Variants in ERCC8 observed in about 807,000 individuals in gnomAD.
ERCC8 encodes ERCC excision repair 8, CSA ubiquitin ligase complex subunit, also known as DNA excision repair protein ERCC-8.
A neutral mutation model predicts 54.9 loss-of-function variants in ERCC8; 52 were observed. The observed-to-expected ratio is 0.95, with a 90% CI of 0.76 to 1.19. The LOEUF is 1.19. Among genes scored for constraint, ERCC8 ranks in the 50% most tolerant of loss-of-function variants. The pLI is 0.00. For synonymous variants in ERCC8, 146 were observed against 157.2 expected (o/e 0.93, Z 0.53); for missense variants, 514 against 466.1 (o/e 1.10, Z -0.95).
Position 60,891,101 on chromosome 5 carries a change from T to TTAA in ERCC8, c.844-16_844-15insTTA, listed in dbSNP as rs1748534724. 1 of 1,519,046 alleles carries TTAA rather than the reference T, an allele frequency of 6.6e-7. No homozygotes were observed. Among genetic ancestry groups the TTAA allele is most frequent in the Non-Finnish European group, 9.1e-7 (1 of 1,098,816 alleles). The allele number at this position is 1,519,046 out of a possible 1,614,324, so 94.1% of individuals were successfully genotyped here. ...CCATAGTTCACCTGTAGGATTAAAA[T>TTAA]AATAAGGTTACTCATCTCTGAAATC... On this transcript the variant is annotated splice_polypyrimidine_tract_variant and intron_variant, in intron 9 of 11. Coordinates refer to ENST00000676185, the MANE Select transcript of ERCC8 (RefSeq NM_000082.4).
chr5:60,931,852 G>A (rs1435370992), intron 1 of ERCC8, among the ~76,000 whole-genome samples: 1 of 151,928 alleles, frequency 6.6e-6, no homozygotes, highest in Admixed American at 6.6e-5. Flanking sequence ...CTTCCTAACA[G>A]TAAGAAGCAT....
chr5:60,893,639 G>C, intron 9 of ERCC8: 1 of 571,100 alleles, frequency 1.8e-6, no homozygotes, highest in Non-Finnish European at 3.2e-6. Context: ...ACTTCCGGCG[G>C]GGATCTGAGA....
At chr5:60,942,568 T>A (rs1750292561) in intron 1 of ERCC8, among the ~76,000 whole-genome samples, 2 of 152,098 alleles carry the variant, frequency 1.3e-5, no homozygotes, top group South Asian at 4.1e-4. Context: ...TTATATAAAA[T>A]ACTAGATATG....
chr5:60,893,759 G>A (rs897750490), intron 9 of ERCC8: 12 of 351,100 alleles, frequency 3.4e-5, no homozygotes, highest in Non-Finnish European at 5.7e-5. Context: ...CGAGGGGGCG[G>A]GGCTTCTCCC....
intron 3 of ERCC8, chr5:60,918,595 C>A: frequency 1.8e-6 from 1 of 557,852 alleles, no homozygotes. Context: ...TAGAGACATA[C>A]CTCCTACTAA....
rs1298162999 is a variant in ERCC8 at position 60,869,532 on chromosome 5, A to C, written c.*5083T>G. ...CTTTAGAGAATTTTTTAAAGGTTTTAAAATCTATTTTAAATGGGGCTTTTT... is the reference window on the plus strand; with the variant it reads ...CTTTAGAGAATTTTTTAAAGGTTTTCAAATCTATTTTAAATGGGGCTTTTT... On this transcript the variant is annotated 3_prime_UTR_variant, in exon 12 of 12. Coordinates refer to ENST00000676185, the MANE Select transcript of ERCC8 (RefSeq NM_000082.4). Among the ~76,000 whole-genome samples the C allele has an allele frequency of 1.3e-5, 2 of 152,154 alleles. No individual in the cohort carries two copies. Among genetic ancestry groups the C allele is most frequent in the Non-Finnish European group, 2.9e-5 (2 of 68,006 alleles).
chr5:60,882,668 T>A (rs1748272014), intron 11 of ERCC8, among the ~76,000 whole-genome samples: 1 of 152,188 alleles, frequency 6.6e-6, no homozygotes, highest in Non-Finnish European at 1.5e-5. Flanking sequence ...ATTACAGGCG[T>A]GAGCCACCAC....
intron 3 of ERCC8, chr5:60,918,641 A>G: frequency 4.3e-6 from 2 of 463,854 alleles, no homozygotes; most frequent in South Asian, 4.1e-5. Context: ...TTTTTGTACT[A>G]TATACAGCCT....
chr5:60,873,558 T>A lies in ERCC8; in HGVS notation c.*1057A>T, dbSNP rs1747910659. Among the ~76,000 whole-genome samples the A allele has an allele frequency of 6.6e-6, 1 of 152,114 alleles. No individual in the cohort carries two copies. Among genetic ancestry groups the A allele is most frequent in the South Asian group, 2.1e-4 (1 of 4,822 alleles). On this transcript the variant is annotated 3_prime_UTR_variant, in exon 12 of 12. Transcript: ENST00000676185. Reference sequence around the variant, plus strand: ...CGGGCGCAGTGGCGGGAGCCTGTAATCCCAGCTACTCAGGAGGCTTAGGCA... The same window carrying A: ...CGGGCGCAGTGGCGGGAGCCTGTAAACCCAGCTACTCAGGAGGCTTAGGCA...
At chr5:60,892,053 T>C (rs989932933) in intron 9 of ERCC8, 1 of 531,520 alleles carries the variant, frequency 1.9e-6, no homozygotes, top group Non-Finnish European at 3.8e-6. Flanking sequence ...GGGAGGATGC[T>C]AGAGCCTGGC....
chr5:60,935,260 GTA>G (rs1750031132), intron 1 of ERCC8, among the ~76,000 whole-genome samples: 1 of 152,058 alleles, frequency 6.6e-6, no homozygotes, highest in African/African-American at 2.4e-5. Context: ...CCCTGGCTAG[GTA>G]TATTCCTAAG....
intron 4 of ERCC8, among the ~76,000 whole-genome samples, chr5:60,910,823 T>A (rs1168596877): frequency 6.6e-6 from 1 of 152,156 alleles, no homozygotes; most frequent in Non-Finnish European, 1.5e-5. Flanking sequence ...GAATGACAGT[T>A]TAAATGCTTC....
intron 11 of ERCC8, among the ~76,000 whole-genome samples, chr5:60,881,860 C>A (rs1252197987): frequency 6.6e-6 from 1 of 152,156 alleles, no homozygotes; most frequent in Non-Finnish European, 1.5e-5. Context: ...GCGCTGCACC[C>A]ACTGTCCTGC....
chr5:60,921,571 G>C (rs1749600646), intron 3 of ERCC8, among the ~76,000 whole-genome samples: 2 of 151,866 alleles, frequency 1.3e-5, no homozygotes, highest in Admixed American at 1.3e-4. Flanking sequence ...TGAGTAAGTA[G>C]AGAGACAAGA....
rs961358254 is a variant in ERCC8, at chr5:60,867,752, C to T, written c.*6863G>A. Among the ~76,000 whole-genome samples the T allele has an allele frequency of 2.0e-5, 3 of 152,134 alleles. No individual in the cohort carries two copies. Among genetic ancestry groups the T allele is most frequent in the Non-Finnish European group, 4.4e-5 (3 of 68,020 alleles). On this transcript the variant is annotated 3_prime_UTR_variant, in exon 12 of 12. Coordinates refer to ENST00000676185, the MANE Select transcript of ERCC8 (RefSeq NM_000082.4). ...ACATGGGAGAAGCAGCTCTCCTGCT[C>T]CTGGTGGTGTTTTTACAGAAGGTGT...
chr5:60,938,067 ATATATATATATATATATATTT>A (rs1486182588), intron 1 of ERCC8, among the ~76,000 whole-genome samples: 458 of 20,776 alleles, frequency 0.022, 10 homozygotes, highest in East Asian at 0.14. Context: ...ATATATATAT[ATATATATATATATATATATTT>A]TATTTTTTTT....
rs1747851598 is a variant in ERCC8 at position 60,870,980 on chromosome 5, AC to A, written c.*3634del. Among the ~76,000 whole-genome samples the A allele has an allele frequency of 6.6e-6, 1 of 152,188 alleles. No individual in the cohort carries two copies. The highest frequency in any genetic ancestry group is 1.5e-5 in the Non-Finnish European group (1 of 68,028). Reference sequence around the variant, plus strand: ...TGAATTCCCTACAAAGGGAAAAAAAACCAAAGTGGCTTTGGAATTCTCAACT... The same window carrying A: ...TGAATTCCCTACAAAGGGAAAAAAAACAAAGTGGCTTTGGAATTCTCAACT... On this transcript the variant is annotated 3_prime_UTR_variant, in exon 12 of 12. Coordinates refer to ENST00000676185, the MANE Select transcript of ERCC8 (RefSeq NM_000082.4).
At position 60,866,664 on chromosome 5, in the gene ERCC8, A is replaced by T. The variant is rs1006288574; in HGVS notation, c.*7951T>A. 1 of 152,226 alleles carries T rather than the reference A, an allele frequency of 6.6e-6. No homozygotes were observed. The allele number at this position is 152,226 out of a possible 1,614,324, so 9.4% of individuals were successfully genotyped here. On this transcript the variant is annotated 3_prime_UTR_variant, in exon 12 of 12. Coordinates refer to ENST00000676185, the MANE Select transcript of ERCC8 (RefSeq NM_000082.4). Reference sequence around the variant, plus strand: ...TGAGTGTTCACTCAGTATTAAGACAATTCATAAAACTTTTATAATGACACT... The same window carrying T: ...TGAGTGTTCACTCAGTATTAAGACATTTCATAAAACTTTTATAATGACACT...
intron 8 of ERCC8, among the ~76,000 whole-genome samples, chr5:60,898,889 C>G (rs1486970810): frequency 6.7e-6 from 1 of 150,174 alleles, no homozygotes; most frequent in African/African-American, 2.4e-5. Context: ...TCTAAAATAG[C>G]CTAATTAATT....
Sources: gnomAD v4.1 joint callset for allele counts (sites outside exome capture counted in the v4.1 genomes callset) on GRCh38, gnomAD v4.1.1 for gene constraint, MANE v1.5 for transcripts, NCBI Gene and HGNC (gene_info 2026-07-23, HGNC 2026-07-21) for gene names.